TTC28: variants seen among roughly 807,000 people sequenced by gnomAD.
TTC28 encodes tetratricopeptide repeat protein 28.
In TTC28, 61 loss-of-function variants were observed where a neutral mutation model predicts 198.0. The ratio of observed to expected loss-of-function variants is 0.31; its 90% CI spans 0.25 to 0.38. TTC28 has a LOEUF of 0.38. TTC28 is among the 10% of genes least tolerant of loss of function. TTC28 has a pLI of 1.00. For missense variants in TTC28, 2,678 were observed against 3,164.0 expected (o/e 0.85, Z 3.69); for synonymous variants, 1,171 against 1,297.8 (o/e 0.90, Z 2.10).
intron 2 of TTC28, among the ~76,000 whole-genome samples, chr22:28,604,868 T>A (rs2050706208): frequency 6.6e-6 from 1 of 152,212 alleles, no homozygotes; most frequent in Non-Finnish European, 1.5e-5. Flanking sequence ...ACAAAGCGCC[T>A]ATCTACATTT....
chr22:28,517,856 G>A (rs534573425), intron 2 of TTC28, among the ~76,000 whole-genome samples: 38 of 152,058 alleles, frequency 2.5e-4, no homozygotes, highest in Non-Finnish European at 4.3e-4. Flanking sequence ...TATATTAAAC[G>A]CAAACACATT....
At chr22:28,331,766 A>G (rs575575348) in intron 2 of TTC28, among the ~76,000 whole-genome samples, 32 of 152,224 alleles carry the variant, frequency 2.1e-4, no homozygotes, top group Admixed American at 4.6e-4. Flanking sequence ...CCATATTTAC[A>G]TCTTTTATGT....
intron 2 of TTC28, among the ~76,000 whole-genome samples, chr22:28,524,459 C>CAAA (rs34261097): frequency 1.0e-4 from 6 of 59,242 alleles, no homozygotes; most frequent in African/African-American, 4.0e-4. Context: ...GAAGCCAGCT[C>CAAA]AAAAAAAAAA....
chr22:27,999,335 A>AGTGGTCAG (rs1937612986), intron 15 of TTC28, 75 bp from the exon 16 acceptor site: 5 of 1,474,960 alleles, frequency 3.4e-6, no homozygotes, highest in Non-Finnish European at 3.6e-6. Flanking sequence ...TCGGCCGAGC[A>AGTGGTCAG]CAGGGACGGC....
At chr22:28,095,589 T>C (rs910534717) in intron 11 of TTC28, among the ~76,000 whole-genome samples, 1 of 152,180 alleles carries the variant, frequency 6.6e-6, no homozygotes, top group South Asian at 2.1e-4. Flanking sequence ...ATGCAAAAAA[T>C]ATGGCCCTAA....
At chr22:28,553,415 G>C (rs1462832095) in intron 2 of TTC28, among the ~76,000 whole-genome samples, 1 of 151,450 alleles carries the variant, frequency 6.6e-6, no homozygotes, top group Non-Finnish European at 1.5e-5. Flanking sequence ...CGTCTGAGAT[G>C]TGGGGAGCGC....
At chr22:28,561,948 T>C (rs1377975293) in intron 2 of TTC28, among the ~76,000 whole-genome samples, 1 of 152,182 alleles carries the variant, frequency 6.6e-6, no homozygotes, top group Non-Finnish European at 1.5e-5. Flanking sequence ...AAAATACATA[T>C]TCCTTGAAGG....
chr22:28,390,194 T>A (rs1311770968), intron 2 of TTC28, among the ~76,000 whole-genome samples: 1 of 152,254 alleles, frequency 6.6e-6, no homozygotes, highest in Non-Finnish European at 1.5e-5. Context: ...TTGATTGCAC[T>A]GTGGTCTGAG....
intron 2 of TTC28, among the ~76,000 whole-genome samples, chr22:28,531,375 T>C (rs762805454): frequency 2.0e-4 from 31 of 152,158 alleles, no homozygotes; most frequent in Non-Finnish European, 4.1e-4. Flanking sequence ...TAAATATATA[T>C]GCACTCAATA....
chr22:28,425,132 T>A (rs1246315050), intron 2 of TTC28, among the ~76,000 whole-genome samples: 3 of 152,204 alleles, frequency 2.0e-5, no homozygotes, highest in Non-Finnish European at 4.4e-5. Context: ...TAAGCTAAAG[T>A]AAGGCACAAT....
rs562735809 is a variant in TTC28 at position 28,001,569 on chromosome 22, G to A, written c.4219-16C>T. 1.2e-4 allele frequency: 185 copies of A among 1,543,878 alleles called. 3 individuals carry two copies. The South Asian group carries it at 2.0e-3, about 17-fold the overall frequency. ...GCATCAGGCCCTATGGAGCAAGCAC[G>A]GAGAGGCTGACATGGGTGGCCCAGC... On this transcript the variant is annotated splice_polypyrimidine_tract_variant and intron_variant, in intron 14 of 22. Coordinates refer to ENST00000397906, the MANE Select transcript of TTC28 (RefSeq NM_001145418.2).
chr22:28,337,744 G>A (rs2045755349), intron 2 of TTC28, among the ~76,000 whole-genome samples: 1 of 152,114 alleles, frequency 6.6e-6, no homozygotes, highest in Non-Finnish European at 1.5e-5. Flanking sequence ...CTCTGCACGT[G>A]AGATGGGTTT....
At chr22:28,443,462 T>C (rs2047655647) in intron 2 of TTC28, among the ~76,000 whole-genome samples, 1 of 152,258 alleles carries the variant, frequency 6.6e-6, no homozygotes, top group South Asian at 2.1e-4. Context: ...TTCTTTACGC[T>C]GTTTTCGCTT....
At chr22:28,133,075 T>C (rs1252529804) in intron 6 of TTC28, among the ~76,000 whole-genome samples, 3 of 152,072 alleles carry the variant, frequency 2.0e-5, no homozygotes, top group Non-Finnish European at 2.9e-5. Context: ...ATACCAAAAT[T>C]AGCCAGGTGT....
chr22:28,609,006 A>G (rs1012415188), intron 2 of TTC28, among the ~76,000 whole-genome samples: 10 of 152,188 alleles, frequency 6.6e-5, no homozygotes, highest in Non-Finnish European at 1.0e-4. Flanking sequence ...AAAAGATGAA[A>G]CACAAATAGA....
intron 5 of TTC28, among the ~76,000 whole-genome samples, chr22:28,220,948 T>C (rs1371939646): frequency 6.6e-6 from 1 of 152,160 alleles, no homozygotes; most frequent in Admixed American, 6.5e-5. Flanking sequence ...ACAGGCCTAG[T>C]ATCATCTAAA....
At chr22:28,012,772 A>G (rs546712669) in intron 14 of TTC28, among the ~76,000 whole-genome samples, 1 of 152,146 alleles carries the variant, frequency 6.6e-6, no homozygotes, top group Non-Finnish European at 1.5e-5. Context: ...TCGGCCTCCC[A>G]AAGTGCTGGG....
intron 1 of TTC28, among the ~76,000 whole-genome samples, chr22:28,651,967 G>A (rs1474014304): frequency 1.3e-5 from 2 of 152,022 alleles, no homozygotes; most frequent in East Asian, 3.9e-4. Flanking sequence ...AGCCTCCCAA[G>A]TAGCTGGGAT....
chr22:28,249,557 G>A (rs535161192), intron 5 of TTC28, among the ~76,000 whole-genome samples: 4 of 152,174 alleles, frequency 2.6e-5, no homozygotes, highest in Admixed American at 2.0e-4. Context: ...GGCTGAATGA[G>A]ATAATGTCTT....
Sources: allele counts gnomAD v4.1 joint callset (sites outside exome capture counted in the v4.1 genomes callset), GRCh38; gene constraint gnomAD v4.1.1; transcripts MANE v1.5; gene names NCBI Gene and HGNC (gene_info 2026-07-23, HGNC 2026-07-21).